The following MROH2B variants were observed in gnomAD, a reference collection of about 807,000 sequenced individuals.
MROH2B encodes the protein maestro heat like repeat family member 2B.
A neutral mutation model predicts 208.6 loss-of-function variants in MROH2B; 177 were observed. The observed-to-expected ratio is 0.85, with a 90% CI of 0.75 to 0.96. The LOEUF (loss-of-function observed/expected upper bound fraction) is 0.96, where lower values mean the gene tolerates loss of function less well. MROH2B is among the 40% of genes least tolerant of loss of function. The pLI, the probability that MROH2B is intolerant of heterozygous loss-of-function variation, is 0.00. For missense variants in MROH2B, 2,002 were observed against 1,878.7 expected (o/e 1.07, Z -1.21); for synonymous variants, 728 against 659.0 (o/e 1.10, Z -1.60).
Position 40,998,684 on chromosome 5 carries a change from T to A in MROH2B, c.4586-7A>T. On this transcript the variant is annotated splice_polypyrimidine_tract_variant and splice_region_variant and intron_variant, in intron 40 of 41. Transcript: ENST00000399564. Reference sequence around the variant, plus strand: ...AAATTGAGAACAACGGCATCTAAAGTTAATAGGAGACCATGTTACTGATTT... The same window carrying A: ...AAATTGAGAACAACGGCATCTAAAGATAATAGGAGACCATGTTACTGATTT... The A allele has an allele frequency of 6.4e-7, 1 of 1,573,806 alleles. No homozygotes were observed. Among genetic ancestry groups the A allele is most frequent in the East Asian group, 2.3e-5 (1 of 43,542 alleles).
At chr5:41,057,929 A>T in intron 7 of MROH2B, 134 bp downstream of exon 7, 1 of 746,278 alleles carries the variant, frequency 1.3e-6, no homozygotes, top group African/African-American at 1.8e-5. Context: ...CCTACCTCAT[A>T]TTCCTCAAGA....
intron 30 of MROH2B, among the ~76,000 whole-genome samples, chr5:41,012,286 C>T (rs562951933): frequency 1.1e-4 from 17 of 152,322 alleles, no homozygotes; most frequent in African/African-American, 4.1e-4. Context: ...CTTATCCTTA[C>T]ATCTCTAACA....
intron 19 of MROH2B, among the ~76,000 whole-genome samples, chr5:41,040,609 A>G (rs558015633): frequency 1.3e-5 from 2 of 152,340 alleles, no homozygotes; most frequent in African/African-American, 4.8e-5. Flanking sequence ...AGACATATTC[A>G]AGGACTTAAA....
intron 29 of MROH2B, 139 bp from the exon 30 acceptor site, chr5:41,012,874 T>C (rs754208948): frequency 2.7e-5 from 28 of 1,042,006 alleles, no homozygotes; most frequent in Admixed American, 7.5e-5. Context: ...CCACAGAAAC[T>C]AGAGAAAATA....
chr5:41,052,550 C>A lies in MROH2B; in HGVS notation c.1145G>T (p.Cys382Phe), dbSNP rs1367973049. 2 of 1,611,886 alleles carry A rather than the reference C, an allele frequency of 1.2e-6. No individual in the cohort carries two copies. The highest frequency in any genetic ancestry group is 2.2e-5 in the East Asian group (1 of 44,752). Reference protein sequence around the residue: ...NSVLLLIQTMCEKSYIEAREG... With the variant: ...NSVLLLIQTMFEKSYIEAREG... ...CCGAGCTTCAATATAGGACTTTTCA[C>A]ACATGGTTTGGATGAGGAGAAGAAC... is the stretch of plus-strand genomic sequence containing the variant. The change falls in exon 12 of 42, where the codon TGT (cysteine) becomes TTT (phenylalanine). Residue 382 changes from cysteine (C) to phenylalanine (F), a missense_variant. Coordinates refer to ENST00000399564, the MANE Select transcript of MROH2B (RefSeq NM_173489.5).
At position 41,042,107 on chromosome 5, in the gene MROH2B, C is replaced by T; in HGVS notation, c.1938G>A (p.Leu646=). Residue 646 remains leucine (L), a synonymous_variant, in exon 19 of 42, where the codon CTG becomes CTA. Transcript: ENST00000399564. The part of the protein sequence containing the change: ...IKEFLTAPNQ[L]GDQRQGITSI... ...GGGGTCCCACCTGTCTTTGATCCCC[C>T]AGTTGGTTGGGAGCAGTCAGAAACT... is the stretch of plus-strand genomic sequence containing the variant. 6.3e-7 allele frequency: 1 copy of T among 1,587,814 alleles called. No homozygotes were observed. Among genetic ancestry groups the T allele is most frequent in the Non-Finnish European group, 8.6e-7 (1 of 1,165,462 alleles).
In MROH2B at chr5:41,004,837, G is replaced by A; in HGVS notation, c.3948C>T (p.Asn1316=). Residue 1316 remains asparagine, a synonymous_variant, in exon 36 of 42, where the codon AAC becomes AAT. Coordinates refer to ENST00000399564, the MANE Select transcript of MROH2B (RefSeq NM_173489.5). ...GGATGGCCATCTGCCTCAGAGTGGC[G>A]TTGGAGTCCCAGGCACTTTGATCCA... ...ILMDQSAWDS[N]ATLRQMAIRG... is the part of the protein sequence containing the mutation. The A allele has an allele frequency of 3.1e-6, 5 of 1,614,038 alleles. No homozygotes were observed. Among genetic ancestry groups the A allele is most frequent in the South Asian group, 1.1e-5 (1 of 91,084 alleles).
chr5:41,045,489 G>A (rs1179508795), intron 18 of MROH2B, among the ~76,000 whole-genome samples: 2 of 152,122 alleles, frequency 1.3e-5, no homozygotes, highest in African/African-American at 4.8e-5. Flanking sequence ...CTGAATATTA[G>A]TTAGGCACAT....
rs778010323 is a variant in MROH2B, at chr5:41,047,693, T to C, written c.1728+28A>G. 3.5e-5 allele frequency: 55 copies of C among 1,576,994 alleles called. 1 individual carries two copies. Among genetic ancestry groups the C allele is most frequent in the South Asian group, 3.4e-4 (29 of 85,888 alleles). On this transcript the variant is annotated intron_variant, in intron 17 of 41. Transcript: ENST00000399564. ...TCAGCTGATTTCATCATGCCATTATTAAAAATTATTCTAGAAGCCAGCCTT... is the reference window on the plus strand; with the variant it reads ...TCAGCTGATTTCATCATGCCATTATCAAAAATTATTCTAGAAGCCAGCCTT...
chr5:41,017,443 G>A (rs979560574), intron 28 of MROH2B, among the ~76,000 whole-genome samples: 18 of 152,126 alleles, frequency 1.2e-4, no homozygotes, highest in African/African-American at 4.1e-4. Context: ...TTGCTAATAT[G>A]CCCAATTGCT....
chr5:41,036,129 T>TAC (rs35715531), intron 21 of MROH2B, among the ~76,000 whole-genome samples: 324 of 149,292 alleles, frequency 2.2e-3, no homozygotes, highest in African/African-American at 6.0e-3. Flanking sequence ...ATATTATATA[T>TAC]ACACACACAC....
intron 18 of MROH2B, among the ~76,000 whole-genome samples, chr5:41,044,198 C>T (rs554038291): frequency 1.1e-4 from 16 of 150,448 alleles, no homozygotes; most frequent in Admixed American, 4.7e-4. Flanking sequence ...TGCAGTGGTC[C>T]GAGATCGTGC....
At chr5:41,030,619 AC>A (rs1742535181) in intron 24 of MROH2B, among the ~76,000 whole-genome samples, 2 of 152,082 alleles carry the variant, frequency 1.3e-5, no homozygotes, top group African/African-American at 4.8e-5. Flanking sequence ...TATAGGAAAA[AC>A]AATACTAAAA....
chr5:41,010,142 G>C (rs1741729744), intron 30 of MROH2B, 63 bp from the exon 31 acceptor site: 10 of 1,518,962 alleles, frequency 6.6e-6, no homozygotes, highest in Middle Eastern at 3.9e-4. Flanking sequence ...GAATGACTCA[G>C]AACAGGTATC....
intron 37 of MROH2B, among the ~76,000 whole-genome samples, chr5:41,001,435 G>T (rs1579896456): frequency 6.6e-6 from 1 of 152,222 alleles, no homozygotes; most frequent in East Asian, 1.9e-4. Context: ...AGAGAGGCCG[G>T]GTGCAGTGGC....
intron 24 of MROH2B, among the ~76,000 whole-genome samples, chr5:41,023,679 A>C (rs1742242724): frequency 6.6e-6 from 1 of 152,218 alleles, no homozygotes; most frequent in Non-Finnish European, 1.5e-5. Flanking sequence ...GGAAATACAG[A>C]AAATGCCACA....
rs1359462639 is a variant in MROH2B, at chr5:41,004,936, C to T, written c.3865-16G>A. The stretch of plus-strand genomic sequence containing the variant: ...CCTTCATGAGCTGAAATAATCAACA[C>T]ACTCCTCCCGTTTAGTTAAGGGCGT... On this transcript the variant is annotated splice_polypyrimidine_tract_variant and intron_variant, in intron 35 of 41. Transcript: ENST00000399564. 6.2e-7 allele frequency: 1 copy of T among 1,612,554 alleles called. No individual in the cohort carries two copies. Among genetic ancestry groups the T allele is most frequent in the South Asian group, 1.1e-5 (1 of 90,814 alleles).
At chr5:41,007,909 G>A (rs1483820768) in intron 33 of MROH2B, among the ~76,000 whole-genome samples, 1 of 152,108 alleles carries the variant, frequency 6.6e-6, no homozygotes, top group Non-Finnish European at 1.5e-5. Flanking sequence ...AAAGTTACAC[G>A]TATTATTGGA....
chr5:41,065,686 C>T (rs527656600), intron 3 of MROH2B, among the ~76,000 whole-genome samples, 196 bp from the exon 4 acceptor site: 187 of 152,214 alleles, frequency 1.2e-3, no homozygotes, highest in African/African-American at 4.3e-3. Flanking sequence ...GAACCCTCAC[C>T]ATTCCTCCCA....
Sources: allele counts gnomAD v4.1 joint callset (sites outside exome capture counted in the v4.1 genomes callset), GRCh38; gene constraint gnomAD v4.1.1; transcripts MANE v1.5; gene names NCBI Gene and HGNC (gene_info 2026-07-23, HGNC 2026-07-21).